Variants in VWA8 observed in about 807,000 individuals in gnomAD.
VWA8 encodes the protein von Willebrand factor A domain-containing protein 8.
A neutral mutation model predicts 241.5 loss-of-function variants in VWA8; 221 were observed. The ratio of observed to expected loss-of-function variants is 0.91; its 90% CI spans 0.82 to 1.02. The LOEUF (loss-of-function observed/expected upper bound fraction) is 1.02. Ranked by LOEUF, VWA8 falls within the 50% of genes least tolerant of loss-of-function variation. The probability of loss-of-function intolerance (pLI) is 0.00; values close to 1 mark genes in which losing one functional copy is unlikely to be tolerated. For synonymous variants in VWA8, 852 were observed against 827.1 expected, an observed-to-expected ratio of 1.03 and a Z score of -0.52; for missense variants, 2,322 against 2,328.7, an observed-to-expected ratio of 1.00 and a Z score of 0.06.
intron 2 of VWA8, among the ~76,000 whole-genome samples, chr13:41,937,028 CACTT>C (rs1189387508): frequency 6.6e-6 from 1 of 152,122 alleles, no homozygotes; most frequent in African/African-American, 2.4e-5. Context: ...AATACACAAA[CACTT>C]ACCATTGTGT....
At chr13:41,657,482 CTT>C (rs35182691) in intron 37 of VWA8, among the ~76,000 whole-genome samples, 27 of 136,030 alleles carry the variant, frequency 2.0e-4, no homozygotes, top group Admixed American at 2.9e-4. Flanking sequence ...AAAAGTTATT[CTT>C]TTTTTTTTTT....
intron 12 of VWA8, among the ~76,000 whole-genome samples, chr13:41,856,174 A>G (rs533475194): frequency 4.3e-4 from 65 of 152,192 alleles, no homozygotes; most frequent in African/African-American, 1.5e-3. Context: ...CATCGCTACT[A>G]AAAATACAAA....
intron 40 of VWA8, 30 bp from the exon 41 acceptor site, chr13:41,590,795 C>A (rs201606082): frequency 3.0e-5 from 48 of 1,609,726 alleles, no homozygotes; most frequent in African/African-American, 5.3e-5. Context: ...ACACACAAAG[C>A]CTTAATTAGT....
chr13:41,823,901 G>A (rs1871068904), intron 14 of VWA8, among the ~76,000 whole-genome samples: 1 of 152,204 alleles, frequency 6.6e-6, no homozygotes. Flanking sequence ...GAAAGGGTTG[G>A]TAGCCCACTG....
At chr13:41,925,029 T>C (rs995077662) in intron 2 of VWA8, among the ~76,000 whole-genome samples, 2 of 152,088 alleles carry the variant, frequency 1.3e-5, no homozygotes, top group African/African-American at 4.8e-5. Context: ...AAGCATCAAG[T>C]CACATATAAG....
chr13:41,696,739 A>G (rs995865106), intron 29 of VWA8, among the ~76,000 whole-genome samples: 4 of 152,206 alleles, frequency 2.6e-5, no homozygotes, highest in African/African-American at 9.6e-5. Context: ...CTTATCTTTG[A>G]GACATTCATC....
At chr13:41,944,780 T>C (rs139469356) in intron 2 of VWA8, among the ~76,000 whole-genome samples, 3 of 152,342 alleles carry the variant, frequency 2.0e-5, no homozygotes, top group East Asian at 1.9e-4. Flanking sequence ...TTATTTGATG[T>C]ACTCAGAGCT....
intron 21 of VWA8, among the ~76,000 whole-genome samples, chr13:41,749,443 G>T (rs192728881): frequency 1.4e-4 from 22 of 151,810 alleles, no homozygotes; most frequent in African/African-American, 4.8e-4. Context: ...GGAAGTCGGT[G>T]TGGCAATTCC....
intron 33 of VWA8, among the ~76,000 whole-genome samples, chr13:41,689,823 CG>C (rs1021998331): frequency 2.6e-5 from 4 of 151,770 alleles, no homozygotes; most frequent in African/African-American, 9.7e-5. Context: ...AGATTTTTTT[CG>C]TAAGTACTAT....
In VWA8 at chr13:41,689,349, C is replaced by A; in HGVS notation, c.4131+5G>T. On this transcript the variant is annotated splice_donor_5th_base_variant and intron_variant, in intron 34 of 44. Coordinates refer to ENST00000379310, the MANE Select transcript of VWA8 (RefSeq NM_015058.2). ...TATCCGATAATTTAAAAAATGGGTG[C>A]TTACCATGAGATCTGGAAAACCAAC... 1 of 1,605,804 alleles carries A rather than the reference C, an allele frequency of 6.2e-7. No individual in the cohort carries two copies. Among genetic ancestry groups the A allele is most frequent in the Non-Finnish European group, 8.5e-7 (1 of 1,176,500 alleles).
chr13:41,772,440 A>C (rs545562974), intron 20 of VWA8, among the ~76,000 whole-genome samples: 2 of 126,288 alleles, frequency 1.6e-5, no homozygotes, highest in African/African-American at 2.6e-5. Flanking sequence ...ATACTGTGAC[A>C]AAAAAACAAA....
intron 39 of VWA8, among the ~76,000 whole-genome samples, chr13:41,611,040 T>C (rs1053457782): frequency 6.6e-6 from 1 of 152,182 alleles, no homozygotes; most frequent in African/African-American, 2.4e-5. Context: ...ATGCTCATCC[T>C]GCCCTGGTGC....
intron 21 of VWA8, among the ~76,000 whole-genome samples, chr13:41,745,184 C>T (rs1020752533): frequency 4.6e-5 from 7 of 151,842 alleles, no homozygotes; most frequent in African/African-American, 1.7e-4. Context: ...TACATGTGCA[C>T]AATGTGCAGG....
chr13:41,616,074 A>C (rs1397906883), intron 37 of VWA8, among the ~76,000 whole-genome samples: 1 of 152,258 alleles, frequency 6.6e-6, no homozygotes, highest in African/African-American at 2.4e-5. Flanking sequence ...TTACAGTGGA[A>C]CAAGAGAGCT....
intron 12 of VWA8, among the ~76,000 whole-genome samples, chr13:41,860,208 C>G (rs1017183713): frequency 1.3e-5 from 2 of 152,100 alleles, no homozygotes; most frequent in African/African-American, 4.8e-5. Flanking sequence ...CTAGGAAACT[C>G]TTTTCTCTAA....
In VWA8 at chr13:41,811,251, A is replaced by G; in HGVS notation, c.2037T>C (p.Ser679=). ...LSQYPNENLH[S]AVTKACLSRF... ...TGGAAAGGCAGGCTTTAGTAACAGCACTGTGAAGATTTTCATTAGGATACT... is the reference window on the plus strand; with the variant it reads ...TGGAAAGGCAGGCTTTAGTAACAGCGCTGTGAAGATTTTCATTAGGATACT... The change falls in exon 17 of 45, where the codon AGT becomes AGC. Residue 679 remains serine, a synonymous_variant. Transcript: ENST00000379310. 1.2e-6 allele frequency: 2 copies of G among 1,610,356 alleles called. No homozygotes were observed. Among genetic ancestry groups the G allele is most frequent in the Non-Finnish European group, 1.7e-6 (2 of 1,177,102 alleles).
chr13:41,722,050 T>C (rs1045807677), intron 24 of VWA8, among the ~76,000 whole-genome samples: 3 of 152,192 alleles, frequency 2.0e-5, no homozygotes, highest in African/African-American at 7.2e-5. Context: ...GAGACGGCCT[T>C]TTTAACTTCA....
intron 37 of VWA8, among the ~76,000 whole-genome samples, chr13:41,624,696 G>A (rs2044677829): frequency 6.6e-6 from 1 of 152,174 alleles, no homozygotes; most frequent in Admixed American, 6.5e-5. Context: ...AGCCATCTAT[G>A]ACAAACCCAC....
chr13:41,796,061 T>C (rs1425284248), intron 17 of VWA8, among the ~76,000 whole-genome samples: 4 of 152,232 alleles, frequency 2.6e-5, no homozygotes, highest in Admixed American at 2.0e-4. Flanking sequence ...TATAAAATTG[T>C]TCATAATTTG....
Sources: allele counts gnomAD v4.1 joint callset (sites outside exome capture counted in the v4.1 genomes callset), GRCh38; gene constraint gnomAD v4.1.1; transcripts MANE v1.5; gene names NCBI Gene and HGNC (gene_info 2026-07-23, HGNC 2026-07-21).